OLFM3: variants seen among roughly 807,000 people sequenced by gnomAD.
OLFM3 encodes the protein olfactomedin 3, also known as noelin-3.
OLFM3 carries 20 observed loss-of-function variants against 48.6 expected under a neutral mutation model. That is an observed-to-expected ratio of 0.41 (90% CI 0.29 to 0.60). The LOEUF is 0.60. Ranked by LOEUF, OLFM3 falls within the 20% of genes least tolerant of loss-of-function variation. The pLI, the probability that OLFM3 is intolerant of heterozygous loss-of-function variation, is 0.28. For synonymous variants in OLFM3, 222 were observed against 198.1 expected, an observed-to-expected ratio of 1.12 and a Z score of -1.01; for missense variants, 437 against 544.3, an observed-to-expected ratio of 0.80 and a Z score of 1.96.
chr1:101,886,927 T>A (rs1197811341), intron 1 of OLFM3, among the ~76,000 whole-genome samples: 1 of 152,090 alleles, frequency 6.6e-6, no homozygotes, highest in Non-Finnish European at 1.5e-5. Flanking sequence ...TAAAACATCA[T>A]ACTTTCCTCC....
At chr1:101,811,522 C>T (rs377183036) in intron 4 of OLFM3, among the ~76,000 whole-genome samples, 16 of 152,016 alleles carry the variant, frequency 1.1e-4, no homozygotes, top group Non-Finnish European at 1.6e-4. Context: ...AAAAAGTGGA[C>T]GAAGGATATG....
At chr1:101,842,483 G>C (rs540327836) in intron 1 of OLFM3, among the ~76,000 whole-genome samples, 246 of 152,270 alleles carry the variant, frequency 1.6e-3, no homozygotes, top group African/African-American at 5.7e-3. Flanking sequence ...GGAAGTCGAG[G>C]CTACAGTGAG....
At chr1:101,877,336 T>C (rs1381458647) in intron 1 of OLFM3, among the ~76,000 whole-genome samples, 1 of 151,972 alleles carries the variant, frequency 6.6e-6, no homozygotes, top group Non-Finnish European at 1.5e-5. Flanking sequence ...GAAGGACTTC[T>C]TGATACCAGC....
At chr1:101,822,788 A>T (rs1654671526) in intron 4 of OLFM3, among the ~76,000 whole-genome samples, 1 of 152,140 alleles carries the variant, frequency 6.6e-6, no homozygotes. Context: ...AAAAAGAATC[A>T]AATATAACAG....
chr1:101,963,696 T>A (rs1438922486), intron 1 of OLFM3, among the ~76,000 whole-genome samples: 2 of 152,196 alleles, frequency 1.3e-5, no homozygotes, highest in African/African-American at 2.4e-5. Context: ...ATCCTTTTTA[T>A]ATCATTGGTT....
chr1:101,890,562 G>A (rs1420029305), intron 1 of OLFM3, among the ~76,000 whole-genome samples: 1 of 151,944 alleles, frequency 6.6e-6, no homozygotes, highest in Non-Finnish European at 1.5e-5. Context: ...ATCACAATGA[G>A]TCAGGAATTT....
In OLFM3 at chr1:101,906,755, G is replaced by A. The variant is rs139112292; in HGVS notation, c.70-69730C>T. Among the ~76,000 whole-genome samples the A allele has an allele frequency of 1.8e-3, 277 of 152,216 alleles. 1 individual carries two copies. The highest frequency in any genetic ancestry group is 6.5e-3 in the African/African-American group (271 of 41,536). ...AAATGGAAAACTACTACAATCATTT[G>A]GAAATCTGACAGCTAGACTCATTCA... is the stretch of plus-strand genomic sequence containing the variant. On this transcript the variant is annotated intron_variant, in intron 1 of 5. Transcript: ENST00000370103.
intron 1 of OLFM3, among the ~76,000 whole-genome samples, chr1:101,981,956 T>A (rs1258315804): frequency 2.0e-5 from 3 of 152,088 alleles, no homozygotes; most frequent in Non-Finnish European, 4.4e-5. Flanking sequence ...ATAAGAAAGA[T>A]ATGAATAAAA....
At chr1:101,918,856 A>G (rs951163708) in intron 1 of OLFM3, among the ~76,000 whole-genome samples, 1 of 152,206 alleles carries the variant, frequency 6.6e-6, no homozygotes, top group Non-Finnish European at 1.5e-5. Context: ...AAGTTGTTTT[A>G]ACCTATTCAT....
intron 1 of OLFM3, among the ~76,000 whole-genome samples, chr1:101,953,875 T>C (rs1328134207): frequency 6.6e-6 from 1 of 152,062 alleles, no homozygotes; most frequent in Non-Finnish European, 1.5e-5. Flanking sequence ...CAAATATAGA[T>C]TCATGTTAAC....
chr1:101,865,146 T>C (rs1656806510), intron 1 of OLFM3, among the ~76,000 whole-genome samples: 1 of 152,192 alleles, frequency 6.6e-6, no homozygotes, highest in Admixed American at 6.5e-5. Context: ...CCATGGACTT[T>C]CTGAGTGGTT....
At chr1:101,885,907 T>C (rs536649269) in intron 1 of OLFM3, among the ~76,000 whole-genome samples, 6 of 152,226 alleles carry the variant, frequency 3.9e-5, no homozygotes, top group African/African-American at 1.2e-4. Flanking sequence ...AAGTTATACA[T>C]GGATTTTTGA....
chr1:101,928,265 C>T (rs1016662057), intron 1 of OLFM3, among the ~76,000 whole-genome samples: 1 of 152,076 alleles, frequency 6.6e-6, no homozygotes, highest in African/African-American at 2.4e-5. Flanking sequence ...AGGTGCAAGT[C>T]TTTGGAAATA....
intron 2 of OLFM3, among the ~76,000 whole-genome samples, chr1:101,834,990 T>G (rs1655330879): frequency 6.6e-6 from 1 of 152,256 alleles, no homozygotes; most frequent in Non-Finnish European, 1.5e-5. Context: ...TACTTTATTT[T>G]AATTTTTTCA....
chr1:101,863,891 T>A (rs1268015283), intron 1 of OLFM3, among the ~76,000 whole-genome samples: 1 of 152,202 alleles, frequency 6.6e-6, no homozygotes, highest in Non-Finnish European at 1.5e-5. Context: ...AGATATATTC[T>A]TAAATCTCAT....
intron 1 of OLFM3, among the ~76,000 whole-genome samples, chr1:101,845,575 T>G (rs1270042255): frequency 1.3e-5 from 2 of 152,204 alleles, no homozygotes; most frequent in East Asian, 3.9e-4. Context: ...GCTCAGTAAA[T>G]ATTAGATAAT....
intron 4 of OLFM3, 109 bp from the exon 5 acceptor site, chr1:101,806,291 G>C (rs1398433627): frequency 1.3e-6 from 1 of 751,680 alleles, no homozygotes; most frequent in East Asian, 2.6e-5. Flanking sequence ...CCAATCCATG[G>C]AATTAATATC....
At chr1:101,837,572 G>A (rs925748353) in intron 1 of OLFM3, 5 of 151,500 alleles carry the variant, frequency 3.3e-5, no homozygotes, top group African/African-American at 4.9e-5. Context: ...TATTTTGCAC[G>A]AAATGCAGAC....
At chr1:101,899,146 G>C (rs1164655012) in intron 1 of OLFM3, among the ~76,000 whole-genome samples, 1 of 152,182 alleles carries the variant, frequency 6.6e-6, no homozygotes, top group Non-Finnish European at 1.5e-5. Context: ...CAAGACTGGA[G>C]TTGTGATCAT....
Sources: allele counts gnomAD v4.1 joint callset (sites outside exome capture counted in the v4.1 genomes callset), GRCh38; gene constraint gnomAD v4.1.1; transcripts MANE v1.5; gene names NCBI Gene and HGNC (gene_info 2026-07-23, HGNC 2026-07-21).